The following MYH9 variants were observed in gnomAD, a reference collection of about 807,000 sequenced individuals.
MYH9 encodes myosin heavy chain 9, also known as myosin-9.
MYH9 carries 29 observed loss-of-function variants against 241.9 expected under a neutral mutation model. That is an observed-to-expected ratio of 0.12 (90% CI 0.09 to 0.16). The LOEUF is 0.16. Among genes scored for constraint, MYH9 ranks in the 10% least tolerant of loss-of-function variants. MYH9 has a pLI of 1.00. For missense variants in MYH9, 1,803 were observed against 2,595.5 expected, an observed-to-expected ratio of 0.69 and a Z score of 6.63; for synonymous variants, 1,047 against 1,062.6, an observed-to-expected ratio of 0.99 and a Z score of 0.29.
chr22:36,368,135 T>G (rs2018038741), intron 1 of MYH9, among the ~76,000 whole-genome samples: 2 of 152,214 alleles, frequency 1.3e-5, no homozygotes, highest in Admixed American at 1.3e-4. Context: ...TATTTAAATG[T>G]CCTGAACCTC....
chr22:36,376,773 G>A (rs1297983488), intron 1 of MYH9, among the ~76,000 whole-genome samples: 4 of 152,188 alleles, frequency 2.6e-5, no homozygotes, highest in African/African-American at 9.7e-5. Flanking sequence ...GCTTAGAACT[G>A]AAGACACTGG....
At position 36,293,505 on chromosome 22, in the gene MYH9, C is replaced by A. The variant is rs754220979; in HGVS notation, c.3943-24G>T. ...TCCTACTCGCGGGTTGAGAGGGGTG[C>A]GGGTGCTTAGGAGGGTGGTGTCCAA... is the stretch of plus-strand genomic sequence containing the variant. On this transcript the variant is annotated intron_variant, in intron 29 of 40. Transcript: ENST00000216181. This position sits in a 1 kb window ranked among gnomAD's most constrained non-coding sequence, Gnocchi z 5.1. 13 of 1,611,266 alleles carry A rather than the reference C, an allele frequency of 8.1e-6. No homozygotes were observed. The highest frequency in any genetic ancestry group is 1.3e-5 in the African/African-American group (1 of 74,970).
At chr22:36,302,362 A>G in intron 20 of MYH9, 1 of 511,300 alleles carries the variant, frequency 2.0e-6, no homozygotes, top group Admixed American at 3.1e-5. Flanking sequence ...TAAAAATCAA[A>G]AAGGGCCGGG....
chr22:36,302,609 G>A lies in MYH9; in HGVS notation c.2458C>T (p.Leu820=), dbSNP rs1421357305. ...CACCACTGCCAGTTCCGCAGCTTCAGGTAGGCAGCGCAGTTCCGCTGGAGG... is the reference window on the plus strand; with the variant it reads ...CACCACTGCCAGTTCCGCAGCTTCAAGTAGGCAGCGCAGTTCCGCTGGAGG... The part of the protein sequence containing the change: ...KVLQRNCAAY[L]KLRNWQWWRL... Residue 820 remains leucine (L), a synonymous_variant, in exon 20 of 41, where the codon CTG becomes TTG. Transcript: ENST00000216181. 6.2e-7 allele frequency: 1 copy of A among 1,613,636 alleles called. No homozygotes were observed. The highest frequency in any genetic ancestry group is 8.5e-7 in the Non-Finnish European group (1 of 1,179,978).
intron 2 of MYH9, among the ~76,000 whole-genome samples, chr22:36,343,989 G>A (rs1211779826): frequency 2.0e-5 from 3 of 152,236 alleles, no homozygotes; most frequent in Non-Finnish European, 4.4e-5. Context: ...GGAAACAGCT[G>A]GTGCTGACAG....
chr22:36,360,855 T>A (rs2017925963), intron 1 of MYH9, among the ~76,000 whole-genome samples: 1 of 152,202 alleles, frequency 6.6e-6, no homozygotes, highest in Non-Finnish European at 1.5e-5. Context: ...GCAGAAGAGC[T>A]GGATTTGAGT....
chr22:36,301,857 T>C, intron 20 of MYH9, 192 bp from the exon 21 acceptor site: 2 of 678,520 alleles, frequency 2.9e-6, no homozygotes, highest in Non-Finnish European at 5.1e-6. Context: ...CTAACTACAT[T>C]CCAGGGAAAC....
intron 14 of MYH9, among the ~76,000 whole-genome samples, chr22:36,310,002 C>A (rs756612818): frequency 6.6e-6 from 1 of 152,144 alleles, no homozygotes; most frequent in Non-Finnish European, 1.5e-5. Flanking sequence ...GTAATCCCAG[C>A]ACTTTGGGAG....
intron 1 of MYH9, among the ~76,000 whole-genome samples, chr22:36,382,967 C>T (rs1444839930): frequency 6.6e-6 from 1 of 152,004 alleles, no homozygotes; most frequent in Non-Finnish European, 1.5e-5. Context: ...ACACCTGTAA[C>T]CCCAGCACTC....
Position 36,295,367 on chromosome 22 carries a change from A to G in MYH9, c.3485+138T>C, listed in dbSNP as rs1603482939. 5.1e-6 allele frequency: 4 copies of G among 780,952 alleles called. No homozygotes were observed. The East Asian group carries it at 1.1e-4, about 21-fold the overall frequency. The allele number at this position is 780,952 out of a possible 1,614,324, so 48.4% of individuals were successfully genotyped here. A position where few individuals can be genotyped will look rare whatever the true frequency, so the allele number is the denominator to read the frequency against. On this transcript the variant is annotated intron_variant, in intron 26 of 40. Coordinates refer to ENST00000216181, the MANE Select transcript of MYH9 (RefSeq NM_002473.6). This position sits in a 1 kb window ranked among gnomAD's most constrained non-coding sequence, Gnocchi z 4.1. ...AGAGAGAAACCGCTGAGGAACCAGC[A>G]GCTTCCATGCCTGCTGGTGCCTAAG...
At chr22:36,296,326 C>T (rs549438227) in intron 25 of MYH9, among the ~76,000 whole-genome samples, 2 of 152,268 alleles carry the variant, frequency 1.3e-5, no homozygotes, top group African/African-American at 4.8e-5. Context: ...CCTCTGCCTC[C>T]TGGGTTCAAG....
intron 1 of MYH9, among the ~76,000 whole-genome samples, chr22:36,383,277 T>C (rs1277127372): frequency 6.6e-6 from 1 of 152,138 alleles, no homozygotes; most frequent in Non-Finnish European, 1.5e-5. Context: ...GAGCCAGAGT[T>C]GGAAGTAAGG....
intron 3 of MYH9, among the ~76,000 whole-genome samples, chr22:36,340,629 C>T (rs542795065): frequency 2.0e-5 from 3 of 150,818 alleles, no homozygotes; most frequent in South Asian, 4.2e-4. Flanking sequence ...CCACTGCACA[C>T]TCCAGCCTGG....
rs200328859 is a variant in MYH9 at position 36,301,054 on chromosome 22, T to G, written c.2635A>C (p.Met879Leu). 1.5e-4 allele frequency: 245 copies of G among 1,609,246 alleles called. No individual in the cohort carries two copies. In the East Asian group the frequency reaches 5.1e-3, roughly 33 times the overall value. Residue 879 changes from methionine (M) to leucine (L), a missense_variant, in exon 22 of 41, where the codon ATG becomes CTG. By Grantham distance (15) the Met-to-Leu change is conservative. This residue lies in a region of MYH9 where 290 missense variants were observed against 360.5 expected (regional missense o/e 0.80). Transcript: ENST00000216181. ...TCCTGCAGCTGCAATTTCTCTGCCA[T>G]GAGCTGCAAACAACAAGTGGAAAAC... ...TEMETLQSQL[M>L]AEKLQLQEQL...
chr22:36,386,747 G>T (rs1310093041), intron 1 of MYH9, among the ~76,000 whole-genome samples: 1 of 152,248 alleles, frequency 6.6e-6, no homozygotes, highest in Non-Finnish European at 1.5e-5. Flanking sequence ...AGTGCTGGGG[G>T]TGCTGAGTCT....
At chr22:36,372,823 C>T (rs2018108902) in intron 1 of MYH9, among the ~76,000 whole-genome samples, 1 of 152,150 alleles carries the variant, frequency 6.6e-6, no homozygotes, top group South Asian at 2.1e-4. Context: ...CGACTTCTCT[C>T]CTGCTGTCTA....
intron 3 of MYH9, among the ~76,000 whole-genome samples, chr22:36,336,337 C>T (rs2017498693): frequency 6.6e-6 from 1 of 152,248 alleles, no homozygotes; most frequent in South Asian, 2.1e-4. Flanking sequence ...GAGGGTCTGG[C>T]CCGGGATCCA....
intron 10 of MYH9, among the ~76,000 whole-genome samples, chr22:36,318,581 T>C (rs2017197405): frequency 6.6e-6 from 1 of 152,092 alleles, no homozygotes; most frequent in African/African-American, 2.4e-5. Flanking sequence ...GTACCTCCCC[T>C]GAGCCCCACG....
intron 3 of MYH9, among the ~76,000 whole-genome samples, chr22:36,340,949 A>G (rs1182763795): frequency 6.6e-6 from 1 of 152,122 alleles, no homozygotes; most frequent in Non-Finnish European, 1.5e-5. Context: ...AAGCCACCCG[A>G]GGCTCTGCAT....
Sources: allele counts gnomAD v4.1 joint callset (sites outside exome capture counted in the v4.1 genomes callset), GRCh38; gene constraint gnomAD v4.1.1; regional missense constraint gnomAD v4.1.1; non-coding constraint Gnocchi (gnomAD v3.1); transcripts MANE v1.5; gene names NCBI Gene and HGNC (gene_info 2026-07-23, HGNC 2026-07-21).